TMEM114: variants seen among roughly 807,000 people sequenced by gnomAD.
TMEM114 encodes transmembrane protein 114.
TMEM114 carries 6 observed loss-of-function variants against 6.2 expected under a neutral mutation model. The observed-to-expected ratio is 0.97, with a 90% CI of 0.53 to 1.91. TMEM114 has a LOEUF of 1.91. Among genes scored for constraint, TMEM114 ranks in the 40% most tolerant of loss-of-function variants. TMEM114 has a pLI of 0.01. For missense variants in TMEM114, 218 were observed against 158.3 expected (o/e 1.38, Z -2.02); for synonymous variants, 104 against 73.0 (o/e 1.42, Z -2.16).
At chr16:8,580,506 A>G (rs558003834) in intron 2 of TMEM114, among the ~76,000 whole-genome samples, 8 of 151,778 alleles carry the variant, frequency 5.3e-5, no homozygotes, top group East Asian at 1.9e-4. Flanking sequence ...AAAAAAAAAA[A>G]AAAAGAAAAA....
chr16:8,532,814 C>G (rs913244609), downstream of TMEM114, among the ~76,000 whole-genome samples: 17 of 152,182 alleles, frequency 1.1e-4, no homozygotes, highest in African/African-American at 4.1e-4. Context: ...ATCCCAGCTA[C>G]TCAGGAGGCT....
intron 1 of TMEM114, 133 bp downstream of exon 1, chr16:8,589,486 C>G (rs1902416435): frequency 2.5e-6 from 1 of 397,968 alleles, no homozygotes; most frequent in African/African-American, 2.1e-5. Flanking sequence ...CTCACCTTCC[C>G]CCCGAGTCCC....
the TMEM114 span, among the ~76,000 whole-genome samples, chr16:8,530,471 A>T: frequency 2.0e-5 from 3 of 152,194 alleles, no homozygotes; most frequent in Non-Finnish European, 4.4e-5. Flanking sequence ...ACTGGGAAGC[A>T]TAGGAGCAAT....
intron 2 of TMEM114, among the ~76,000 whole-genome samples, chr16:8,554,582 G>T (rs1436582868): frequency 2.0e-5 from 3 of 151,972 alleles, no homozygotes; most frequent in African/African-American, 7.2e-5. Context: ...CTTCTCTTTC[G>T]CTCCCCACGG....
At chr16:8,579,592 G>A (rs1403924397) in intron 2 of TMEM114, among the ~76,000 whole-genome samples, 2 of 152,054 alleles carry the variant, frequency 1.3e-5, no homozygotes, top group Non-Finnish European at 2.9e-5. Context: ...TCCTGACTCC[G>A]CCTCTTACCC....
intron 2 of TMEM114, among the ~76,000 whole-genome samples, chr16:8,548,175 G>A (rs930685343): frequency 1.3e-5 from 2 of 152,146 alleles, no homozygotes; most frequent in Admixed American, 1.3e-4. Flanking sequence ...TATTAACGGT[G>A]GGACCCTGAC....
chr16:8,531,087 C>G, the TMEM114 span, among the ~76,000 whole-genome samples: 17 of 152,058 alleles, frequency 1.1e-4, no homozygotes, highest in Non-Finnish European at 1.9e-4. Context: ...AAGGGAGGCC[C>G]ATTGCAGCCT....
chr16:8,562,591 AG>A (rs1460388363), intron 2 of TMEM114, among the ~76,000 whole-genome samples: 1 of 93,636 alleles, frequency 1.1e-5, no homozygotes, highest in Non-Finnish European at 2.5e-5. Flanking sequence ...GAAATAAGTA[AG>A]TGAATGAGTG....
chr16:8,564,522 G>A (rs111067685), downstream of TMEM114, among the ~76,000 whole-genome samples: 49,761 of 77,062 alleles, frequency 0.65, 17,080 homozygotes, highest in East Asian at 0.8. Flanking sequence ...AGTGAGTGAC[G>A]GAGGGAGGGA....
downstream of TMEM114, chr16:8,569,407 C>G (rs1403667485): frequency 4.7e-6 from 5 of 1,063,400 alleles, no homozygotes; most frequent in Non-Finnish European, 5.7e-6. Flanking sequence ...CTCCCTTTCC[C>G]AGACCCACCA....
chr16:8,542,813 C>G (rs2039045522), intron 2 of TMEM114, among the ~76,000 whole-genome samples: 2 of 152,118 alleles, frequency 1.3e-5, no homozygotes, highest in African/African-American at 4.8e-5. Context: ...CCCAATCCTC[C>G]CAGCTCTTCC....
downstream of TMEM114, among the ~76,000 whole-genome samples, chr16:8,567,722 TCC>T (rs1901591483): frequency 1.3e-5 from 2 of 152,148 alleles, no homozygotes; most frequent in Admixed American, 1.3e-4. Context: ...CAGTATTTAA[TCC>T]AGCACTTGGG....
chr16:8,529,999 G>A, the TMEM114 span, among the ~76,000 whole-genome samples: 1 of 152,174 alleles, frequency 6.6e-6, no homozygotes, highest in Non-Finnish European at 1.5e-5. Flanking sequence ...GGTTCTAATT[G>A]TGAAACCTAA....
intron 3 of TMEM114, among the ~76,000 whole-genome samples, chr16:8,570,472 C>T (rs1438280972): frequency 2.0e-5 from 3 of 152,112 alleles, no homozygotes; most frequent in South Asian, 4.1e-4. Context: ...GCTGGGAATA[C>T]AGATGCCCGC....
At chr16:8,587,431 CCA>C (rs1250853293) in intron 2 of TMEM114, among the ~76,000 whole-genome samples, 1 of 152,128 alleles carries the variant, frequency 6.6e-6, no homozygotes, top group Non-Finnish European at 1.5e-5. Context: ...AAACCCCACC[CCA>C]CAAAAAAGTC....
At chr16:8,570,726 G>A (rs1206805175) in intron 3 of TMEM114, among the ~76,000 whole-genome samples, 1 of 152,152 alleles carries the variant, frequency 6.6e-6, no homozygotes, top group Non-Finnish European at 1.5e-5. Context: ...CACCGAGAAC[G>A]GTGCCTGGCC....
intron 2 of TMEM114, among the ~76,000 whole-genome samples, chr16:8,587,160 A>G (rs1347330689): frequency 3.3e-5 from 5 of 152,118 alleles, no homozygotes; most frequent in Non-Finnish European, 7.4e-5. Context: ...CAGTTGTTCA[A>G]TATTTCCCAG....
intron 2 of TMEM114, among the ~76,000 whole-genome samples, chr16:8,539,052 A>G (rs1900442545): frequency 6.6e-6 from 1 of 152,128 alleles, no homozygotes; most frequent in South Asian, 2.1e-4. Context: ...ATAAATTCTG[A>G]TTATTAAATA....
intron 2 of TMEM114, among the ~76,000 whole-genome samples, chr16:8,580,217 C>G (rs1902087554): frequency 6.6e-6 from 1 of 152,040 alleles, no homozygotes; most frequent in African/African-American, 2.4e-5. Flanking sequence ...AGGCCCGGCA[C>G]GATGCATGCC....
Sources: allele counts gnomAD v4.1 joint callset (sites outside exome capture counted in the v4.1 genomes callset), GRCh38; gene constraint gnomAD v4.1.1; transcripts MANE v1.5; gene names NCBI Gene and HGNC (gene_info 2026-07-23, HGNC 2026-07-21).